Variants in DSCAML1 observed in about 807,000 individuals in gnomAD.
DSCAML1 encodes the protein DS cell adhesion molecule like 1.
A neutral mutation model predicts 200.5 loss-of-function variants in DSCAML1; 38 were observed. The ratio of observed to expected loss-of-function variants is 0.19; its 90% CI spans 0.15 to 0.25. DSCAML1 has a LOEUF of 0.25. Ranked by LOEUF, DSCAML1 falls within the 10% of genes least tolerant of loss-of-function variation. The pLI is 1.00. For synonymous variants in DSCAML1, 1,215 were observed against 1,165.0 expected, an observed-to-expected ratio of 1.04 and a Z score of -0.87; for missense variants, 2,223 against 2,858.8, an observed-to-expected ratio of 0.78 and a Z score of 5.07.
intron 1 of DSCAML1, among the ~76,000 whole-genome samples, chr11:117,794,116 T>C (rs61905353): frequency 7.6e-4 from 116 of 151,742 alleles, no homozygotes; most frequent in Non-Finnish European, 1.5e-3. Flanking sequence ...TAATTTGGTC[T>C]TCCCAAGAGA....
intron 1 of DSCAML1, among the ~76,000 whole-genome samples, chr11:117,809,988 C>T (rs1222173495): frequency 7.0e-6 from 1 of 142,476 alleles, no homozygotes; most frequent in Non-Finnish European, 1.6e-5. Flanking sequence ...CTCATACACA[C>T]ATTCACATAC....
At chr11:117,644,722 C>A (rs2052486497) in intron 3 of DSCAML1, among the ~76,000 whole-genome samples, 1 of 152,238 alleles carries the variant, frequency 6.6e-6, no homozygotes, top group Non-Finnish European at 1.5e-5. Context: ...GGGACCCCCC[C>A]TCTGGCAATG....
chr11:117,466,349 G>A (rs1426157588), intron 16 of DSCAML1, among the ~76,000 whole-genome samples: 2 of 152,190 alleles, frequency 1.3e-5, no homozygotes, highest in Non-Finnish European at 2.9e-5. Flanking sequence ...AGACAAAAAA[G>A]GACAAAAGCT....
chr11:117,803,152 T>C (rs1157921594), intron 1 of DSCAML1, among the ~76,000 whole-genome samples: 1 of 152,116 alleles, frequency 6.6e-6, no homozygotes, highest in African/African-American at 2.4e-5. Flanking sequence ...GGGAATGGCT[T>C]GCAGGAACAC....
intron 21 of DSCAML1, among the ~76,000 whole-genome samples, 197 bp from the exon 22 acceptor site, chr11:117,440,133 C>G (rs555340475): frequency 6.6e-6 from 1 of 152,232 alleles, no homozygotes; most frequent in East Asian, 1.9e-4. Context: ...GATGAAATAC[C>G]AGTTATGGTC....
chr11:117,777,075 C>T (rs541650276), intron 2 of DSCAML1, 138 bp from the exon 3 acceptor site: 6 of 901,678 alleles, frequency 6.7e-6, no homozygotes, highest in South Asian at 1.7e-5. Context: ...CCCCATCCTG[C>T]TTAGCCAGCC....
intron 3 of DSCAML1, among the ~76,000 whole-genome samples, chr11:117,690,711 G>A (rs953069093): frequency 3.9e-5 from 6 of 152,234 alleles, no homozygotes; most frequent in East Asian, 1.9e-4. Context: ...GGGATCTTGT[G>A]CGTAGGCCAG....
At chr11:117,556,555 G>A (rs529756327) in intron 3 of DSCAML1, among the ~76,000 whole-genome samples, 1 of 152,286 alleles carries the variant, frequency 6.6e-6, no homozygotes, top group South Asian at 2.1e-4. Context: ...GGGCCTGAAG[G>A]AAGCAGGCAG....
chr11:117,471,722 A>G, intron 15 of DSCAML1, 147 bp downstream of exon 15: 1 of 718,146 alleles, frequency 1.4e-6, no homozygotes. Flanking sequence ...AGTGATCCAG[A>G]GGTGGACACA....
At chr11:117,451,829 T>A (rs1003432132) in intron 19 of DSCAML1, among the ~76,000 whole-genome samples, 23 of 148,786 alleles carry the variant, frequency 1.5e-4, no homozygotes, top group African/African-American at 5.0e-4. Context: ...AAAAAAAAAA[T>A]AATAAAGCAC....
At chr11:117,450,447 A>G in intron 20 of DSCAML1, 102 bp downstream of exon 20, 1 of 1,468,460 alleles carries the variant, frequency 6.8e-7, no homozygotes, top group Non-Finnish European at 9.2e-7. Flanking sequence ...GCAGAAGCTC[A>G]GATACAGGCA....
chr11:117,725,869 G>A (rs1027703125), intron 3 of DSCAML1, among the ~76,000 whole-genome samples: 1 of 152,160 alleles, frequency 6.6e-6, no homozygotes, highest in African/African-American at 2.4e-5. Context: ...GGAGGCAGCA[G>A]GCAGCAGGTC....
chr11:117,533,617 G>C (rs1005748124), intron 3 of DSCAML1, among the ~76,000 whole-genome samples: 1 of 152,192 alleles, frequency 6.6e-6, no homozygotes, highest in Non-Finnish European at 1.5e-5. Flanking sequence ...AGCCATCTCT[G>C]CCCCGACTGT....
chr11:117,551,794 TG>T (rs34646472), intron 3 of DSCAML1, among the ~76,000 whole-genome samples: 37,065 of 151,578 alleles, frequency 0.24, 4,880 homozygotes, highest in South Asian at 0.51. Context: ...CTGGCGGCTG[TG>T]GGGGGCATCT....
At chr11:117,661,316 C>T (rs1274183917) in intron 3 of DSCAML1, among the ~76,000 whole-genome samples, 1 of 152,194 alleles carries the variant, frequency 6.6e-6, no homozygotes, top group African/African-American at 2.4e-5. Flanking sequence ...AAAGAGGTAG[C>T]CATGGCAATG....
At chr11:117,627,515 C>CA (rs2052075543) in intron 3 of DSCAML1, among the ~76,000 whole-genome samples, 1 of 152,102 alleles carries the variant, frequency 6.6e-6, no homozygotes, top group African/African-American at 2.4e-5. Context: ...CACACTCGTG[C>CA]CTTCCCCTGA....
intron 3 of DSCAML1, among the ~76,000 whole-genome samples, chr11:117,624,080 T>A (rs982645046): frequency 3.3e-5 from 5 of 152,068 alleles, no homozygotes; most frequent in Admixed American, 6.5e-5. Flanking sequence ...AGTGAAAAAA[T>A]AGAACAGGTT....
At chr11:117,806,298 C>T (rs1330034315) in intron 1 of DSCAML1, among the ~76,000 whole-genome samples, 1 of 152,118 alleles carries the variant, frequency 6.6e-6, no homozygotes, top group Admixed American at 6.5e-5. Context: ...TGCAGAGAGG[C>T]AGGGAAAAGG....
intron 3 of DSCAML1, among the ~76,000 whole-genome samples, chr11:117,767,119 G>T (rs2054912628): frequency 6.6e-6 from 1 of 152,134 alleles, no homozygotes; most frequent in South Asian, 2.1e-4. Flanking sequence ...TTATAAACCG[G>T]AGAGCACCAT....
Sources: allele counts gnomAD v4.1 joint callset (sites outside exome capture counted in the v4.1 genomes callset), GRCh38; gene constraint gnomAD v4.1.1; transcripts MANE v1.5; gene names NCBI Gene and HGNC (gene_info 2026-07-23, HGNC 2026-07-21).